FBXO21: variants seen among roughly 807,000 people sequenced by gnomAD.
FBXO21 encodes F-box protein 21, also known as F-box only protein 21.
In FBXO21, 32 loss-of-function variants were observed where a neutral mutation model predicts 76.6. The ratio of observed to expected loss-of-function variants is 0.42; its 90% CI spans 0.32 to 0.56. The LOEUF is 0.56. Ranked by LOEUF, FBXO21 falls within the 20% of genes least tolerant of loss-of-function variation. The pLI, the probability that FBXO21 is intolerant of heterozygous loss-of-function variation, is 0.16. For missense variants in FBXO21, 586 were observed against 797.3 expected, an observed-to-expected ratio of 0.73 and a Z score of 3.19; for synonymous variants, 328 against 311.5, an observed-to-expected ratio of 1.05 and a Z score of -0.56.
At chr12:117,178,166 C>T (rs1252962037) in intron 3 of FBXO21, among the ~76,000 whole-genome samples, 1 of 152,136 alleles carries the variant, frequency 6.6e-6, no homozygotes, top group Admixed American at 6.6e-5. Flanking sequence ...CCAGAGTCAC[C>T]CTCATCTCTG....
intron 11 of FBXO21, among the ~76,000 whole-genome samples, chr12:117,149,446 A>C (rs1355537326): frequency 6.6e-6 from 1 of 152,190 alleles, no homozygotes; most frequent in East Asian, 1.9e-4. Context: ...AAGTACACAG[A>C]ATTCAAGCAG....
intron 7 of FBXO21, among the ~76,000 whole-genome samples, chr12:117,167,539 G>C (rs979725159): frequency 5.3e-5 from 8 of 152,036 alleles, no homozygotes; most frequent in Non-Finnish European, 1.2e-4. Context: ...AAGGTGAGCA[G>C]ATTGTGACTA....
chr12:117,166,964 T>A lies in FBXO21; in HGVS notation c.1127A>T (p.Tyr376Phe), dbSNP rs760338376. ...CACCTTCTTGACATTGACCACCCCA[T>A]ACAGTGCTGCAGTCACGTGCTGGCC... ...LIGQHVTAAL[Y>F]GVVNVKKVLQ... The change falls in exon 8 of 12, where the codon TAT (tyrosine) becomes TTT (phenylalanine). Residue 376 changes from tyrosine to phenylalanine, a missense_variant. By Grantham distance (22) the Tyr-to-Phe change is conservative. This residue lies in a region of FBXO21 where 246 missense variants were observed against 356.8 expected (regional missense o/e 0.69). Coordinates refer to ENST00000622495, the MANE Select transcript of FBXO21 (RefSeq NM_015002.3). 3.7e-6 allele frequency: 6 copies of A among 1,614,152 alleles called. No homozygotes were observed. Among genetic ancestry groups the A allele is most frequent in the Non-Finnish European group, 5.1e-6 (6 of 1,180,012 alleles).
intron 9 of FBXO21, among the ~76,000 whole-genome samples, chr12:117,163,715 C>T (rs1048766374): frequency 1.4e-4 from 21 of 150,298 alleles, no homozygotes; most frequent in Non-Finnish European, 2.5e-4. Flanking sequence ...GGCCGAGGAA[C>T]GCAGACTGCT....
At chr12:117,188,383 A>C (rs1357106884) in intron 2 of FBXO21, among the ~76,000 whole-genome samples, 1 of 152,096 alleles carries the variant, frequency 6.6e-6, no homozygotes, top group East Asian at 1.9e-4. Flanking sequence ...CAACTCTACT[A>C]AAAATACAAA....
intron 3 of FBXO21, among the ~76,000 whole-genome samples, chr12:117,186,177 T>A (rs1019890102): frequency 6.6e-6 from 1 of 152,172 alleles, no homozygotes; most frequent in Non-Finnish European, 1.5e-5. Context: ...GTGCCTGGCC[T>A]ATTACCAAAA....
chr12:117,183,464 T>C (rs1045026425), intron 3 of FBXO21, among the ~76,000 whole-genome samples: 5 of 152,176 alleles, frequency 3.3e-5, no homozygotes, highest in Non-Finnish European at 5.9e-5. Context: ...TTCATCATGT[T>C]GGCCAGGCTG....
At chr12:117,152,686 T>C (rs759692332) in intron 11 of FBXO21, among the ~76,000 whole-genome samples, 6 of 152,130 alleles carry the variant, frequency 3.9e-5, no homozygotes, top group African/African-American at 9.7e-5. Context: ...ATTGAGAAAT[T>C]TGAAAACTAT....
intron 11 of FBXO21, among the ~76,000 whole-genome samples, chr12:117,149,103 C>T (rs114726405): frequency 0.015 from 2,282 of 152,274 alleles, 60 homozygotes; most frequent in African/African-American, 0.053. Context: ...AGGAGGCTTA[C>T]GGGGACATGA....
At chr12:117,173,600 GA>G (rs1566004076) in intron 6 of FBXO21, among the ~76,000 whole-genome samples, 1 of 152,214 alleles carries the variant, frequency 6.6e-6, no homozygotes, top group African/African-American at 2.4e-5. Context: ...GTGCAAAGAG[GA>G]CCCTGATTAG....
At chr12:117,154,225 C>T (rs745985813) in intron 11 of FBXO21, 8 of 152,198 alleles carry the variant, frequency 5.3e-5, no homozygotes, top group Admixed American at 6.5e-5. Context: ...ATAACATTAC[C>T]GTTGGTGCCT....
intron 7 of FBXO21, among the ~76,000 whole-genome samples, chr12:117,169,972 TCA>T (rs1956100745): frequency 6.6e-6 from 1 of 152,030 alleles, no homozygotes; most frequent in African/African-American, 2.4e-5. Context: ...TTGTCACTAT[TCA>T]CAGATACTAT....
intron 7 of FBXO21, among the ~76,000 whole-genome samples, chr12:117,169,271 A>T (rs1354112172): frequency 6.6e-6 from 1 of 152,204 alleles, no homozygotes; most frequent in African/African-American, 2.4e-5. Context: ...GAACTATGTG[A>T]TGAGAACACA....
intron 7 of FBXO21, among the ~76,000 whole-genome samples, chr12:117,168,353 G>A (rs752305449): frequency 1.8e-4 from 27 of 151,972 alleles, no homozygotes; most frequent in Non-Finnish European, 3.1e-4. Context: ...GTGAAACCCT[G>A]TCTTTACTAA....
chr12:117,171,349 C>A (rs1338219409), intron 7 of FBXO21, among the ~76,000 whole-genome samples: 1 of 138,040 alleles, frequency 7.2e-6, no homozygotes, highest in Non-Finnish European at 1.5e-5. Flanking sequence ...CACAGCCAGA[C>A]CCTGTCTCAA....
At chr12:117,168,161 A>G (rs1956077264) in intron 7 of FBXO21, among the ~76,000 whole-genome samples, 1 of 152,196 alleles carries the variant, frequency 6.6e-6, no homozygotes, top group African/African-American at 2.4e-5. Flanking sequence ...AAATCGTAGC[A>G]TATTCCTCTC....
At chr12:117,155,013 T>C (rs1337152330) in intron 11 of FBXO21, 1 of 152,250 alleles carries the variant, frequency 6.6e-6, no homozygotes, top group Admixed American at 6.5e-5. Flanking sequence ...ATGGAGTTAA[T>C]ATACATTAGA....
chr12:117,176,720 C>T (rs1049211188), intron 4 of FBXO21, among the ~76,000 whole-genome samples: 1 of 151,850 alleles, frequency 6.6e-6, no homozygotes, highest in Admixed American at 6.6e-5. Context: ...CACTTGAGCA[C>T]GGGAGTTTGA....
intron 11 of FBXO21, among the ~76,000 whole-genome samples, chr12:117,150,972 G>A (rs911711275): frequency 6.8e-6 from 1 of 147,934 alleles, no homozygotes; most frequent in African/African-American, 2.5e-5. Flanking sequence ...GTGTGTGTGT[G>A]TGTGTGTGTG....
Sources: allele counts gnomAD v4.1 joint callset (sites outside exome capture counted in the v4.1 genomes callset), GRCh38; gene constraint gnomAD v4.1.1; regional missense constraint gnomAD v4.1.1; transcripts MANE v1.5; gene names NCBI Gene and HGNC (gene_info 2026-07-23, HGNC 2026-07-21).